Variants in BNIP3L observed in about 807,000 individuals in gnomAD.
BNIP3L encodes the protein BCL2 interacting protein 3 like, also known as BCL2/adenovirus E1B 19 kDa protein-interacting protein 3-like.
Under a neutral mutation model 25.5 loss-of-function variants are expected in BNIP3L, and 10 were observed. That is an observed-to-expected ratio of 0.39 (90% CI 0.24 to 0.67). BNIP3L has a LOEUF of 0.67. Among genes scored for constraint, BNIP3L ranks in the 30% least tolerant of loss-of-function variants. BNIP3L has a pLI of 0.45. For synonymous variants in BNIP3L, 113 were observed against 101.2 expected (o/e 1.12, Z -0.70); for missense variants, 215 against 270.9 (o/e 0.79, Z 1.45).
intron 3 of BNIP3L, 91 bp from the exon 4 acceptor site, chr8:26,407,909 T>C (rs553756630): frequency 3.6e-6 from 4 of 1,106,634 alleles, no homozygotes; most frequent in African/African-American, 1.6e-5. Flanking sequence ...CACAACCTTA[T>C]GAGTTTGGTA....
intron 3 of BNIP3L, among the ~76,000 whole-genome samples, chr8:26,404,555 C>G (rs184904791): frequency 6.6e-6 from 1 of 152,202 alleles, no homozygotes; most frequent in African/African-American, 2.4e-5. Flanking sequence ...GGACCTCACT[C>G]TGTCACCAGG....
chr8:26,395,434 AT>A, intron 3 of BNIP3L, 132 bp downstream of exon 3: 1 of 1,007,532 alleles, frequency 9.9e-7, no homozygotes. Flanking sequence ...TGATTTTGGA[AT>A]TTATTTAGGA....
rs899435431 is a variant in BNIP3L, at chr8:26,411,957, CTT to C, written c.*1548_*1549del. The stretch of plus-strand genomic sequence containing the variant: ...GTTTGCCAGTTTGCAGAAACTAACT[CTT>C]TTCTCACATCAACATTTGTAAAATT... On this transcript the variant is annotated 3_prime_UTR_variant, in exon 6 of 6. Transcript: ENST00000380629. 3.3e-5 allele frequency: 5 copies of C among 152,724 alleles called. No individual in the cohort carries two copies. The highest frequency in any genetic ancestry group is 1.2e-4 in the African/African-American group (5 of 41,562). 9.5% of individuals were successfully genotyped at this position (152,724 alleles called of 1,614,324 possible). A position where few individuals can be genotyped will look rare whatever the true frequency, so the allele number is the denominator to read the frequency against.
At chr8:26,391,033 C>T (rs1585431449) in intron 1 of BNIP3L, among the ~76,000 whole-genome samples, 1 of 152,178 alleles carries the variant, frequency 6.6e-6, no homozygotes, top group South Asian at 2.1e-4. Flanking sequence ...AGAGTTTGAG[C>T]TGTTTCTCAG....
At chr8:26,394,802 C>T (rs905308411) in intron 2 of BNIP3L, among the ~76,000 whole-genome samples, 5 of 152,244 alleles carry the variant, frequency 3.3e-5, no homozygotes, top group South Asian at 2.1e-4. Context: ...CCTCTGAAAG[C>T]GTCTTTGAGA....
chr8:26,409,957 C>G (rs1477322832), intron 5 of BNIP3L, among the ~76,000 whole-genome samples: 1 of 151,482 alleles, frequency 6.6e-6, no homozygotes. Flanking sequence ...TTTCTTTTGT[C>G]CTACATAGAG....
chr8:26,384,255 G>A (rs1168662052), intron 1 of BNIP3L, among the ~76,000 whole-genome samples: 1 of 152,190 alleles, frequency 6.6e-6, no homozygotes, highest in Non-Finnish European at 1.5e-5. Context: ...CCACTTGGAT[G>A]CTTAAAGGTC....
intron 2 of BNIP3L, 127 bp downstream of exon 2, chr8:26,391,553 T>C: frequency 1.1e-5 from 8 of 736,660 alleles, no homozygotes; most frequent in Non-Finnish European, 1.6e-5. Flanking sequence ...TATTGTAGTA[T>C]AATATATATT....
chr8:26,391,437 C>T lies in BNIP3L; in HGVS notation c.284+11C>T, dbSNP rs773014907. 1.3e-6 allele frequency: 2 copies of T among 1,513,934 alleles called. No homozygotes were observed. The highest frequency in any genetic ancestry group is 2.6e-5 in the South Asian group (2 of 76,124). 93.8% of individuals were successfully genotyped at this position (1,513,934 alleles called of 1,614,324 possible). On this transcript the variant is annotated intron_variant, in intron 2 of 5. Coordinates refer to ENST00000380629, the MANE Select transcript of BNIP3L (RefSeq NM_004331.3). ...TTCTCACTGTGACAGGTAAGTGAGACCCATGTTTTGGTGGAATTCAGGAAA... is the reference window on the plus strand; with the variant it reads ...TTCTCACTGTGACAGGTAAGTGAGATCCATGTTTTGGTGGAATTCAGGAAA...
chr8:26,404,887 G>C (rs911200651), intron 3 of BNIP3L, among the ~76,000 whole-genome samples: 1 of 152,180 alleles, frequency 6.6e-6, no homozygotes, highest in Non-Finnish European at 1.5e-5. Context: ...ATTAGATTAA[G>C]TACATTTTTA....
chr8:26,383,371 C>T (rs1001457874), intron 1 of BNIP3L, 141 bp downstream of exon 1: 76 of 1,460,730 alleles, frequency 5.2e-5, no homozygotes, highest in Non-Finnish European at 6.8e-5. Flanking sequence ...CTGACAGCTC[C>T]CGTCCCCTGT....
In BNIP3L at chr8:26,410,554, T is replaced by C; in HGVS notation, c.*142T>C. Reference sequence around the variant, plus strand: ...ATATCCAATTCCAGTAACTCTCAAATTCAATATTTTATTCAAACTCTGTTG... The same window carrying C: ...ATATCCAATTCCAGTAACTCTCAAACTCAATATTTTATTCAAACTCTGTTG... On this transcript the variant is annotated 3_prime_UTR_variant, in exon 6 of 6. Transcript: ENST00000380629. The C allele has an allele frequency of 1.1e-6, 1 of 937,790 alleles. No homozygotes were observed. Among genetic ancestry groups the C allele is most frequent in the Non-Finnish European group, 1.7e-6 (1 of 597,644 alleles). 58.1% of individuals were successfully genotyped at this position (937,790 alleles called of 1,614,324 possible).
intron 3 of BNIP3L, among the ~76,000 whole-genome samples, chr8:26,404,025 T>C (rs1806448076): frequency 6.6e-6 from 1 of 152,222 alleles, no homozygotes; most frequent in South Asian, 2.1e-4. Context: ...ATGAATTCGA[T>C]TGATAACAGG....
In BNIP3L at chr8:26,410,360, T is replaced by TGGA; in HGVS notation, c.612-4_612-3insGGA. 1 of 1,614,090 alleles carries TGGA rather than the reference T, an allele frequency of 6.2e-7. No homozygotes were observed. The highest frequency in any genetic ancestry group is 8.5e-7 in the Non-Finnish European group (1 of 1,179,974). On this transcript the variant is annotated splice_region_variant and splice_polypyrimidine_tract_variant and intron_variant, in intron 5 of 5. Coordinates refer to ENST00000380629, the MANE Select transcript of BNIP3L (RefSeq NM_004331.3). ...TGAAACATGATGCTTCTGCTTCCTT[T>TGGA]CAGCATCTATATTGGAAAGCGACTG...
rs1373522305 is a variant in BNIP3L, at chr8:26,410,737, C to T, written c.*325C>T. 3 of 337,944 alleles carry T rather than the reference C, an allele frequency of 8.9e-6. No homozygotes were observed. Among genetic ancestry groups the T allele is most frequent in the Non-Finnish European group, 1.7e-5 (3 of 175,558 alleles). The allele number at this position is 337,944 out of a possible 1,614,324, so 20.9% of individuals were successfully genotyped here. A position where few individuals can be genotyped will look rare whatever the true frequency, so the allele number is the denominator to read the frequency against. Reference sequence around the variant, plus strand: ...GCAATGCTATTATCTCTAATTAGTGCCACCAGACTAGACCTGTATCATTCA... The same window carrying T: ...GCAATGCTATTATCTCTAATTAGTGTCACCAGACTAGACCTGTATCATTCA... On this transcript the variant is annotated 3_prime_UTR_variant, in exon 6 of 6. Coordinates refer to ENST00000380629, the MANE Select transcript of BNIP3L (RefSeq NM_004331.3).
chr8:26,407,233 A>G (rs1195488640), intron 3 of BNIP3L, among the ~76,000 whole-genome samples: 4 of 148,908 alleles, frequency 2.7e-5, no homozygotes, highest in African/African-American at 5.0e-5. Flanking sequence ...TCCCCCAGGC[A>G]GGAGTGTAGT....
intron 4 of BNIP3L, 41 bp from the exon 5 acceptor site, chr8:26,408,186 A>G: frequency 6.2e-7 from 1 of 1,611,946 alleles, no homozygotes; most frequent in South Asian, 1.1e-5. Context: ...TCCCCACGAT[A>G]TTTTCAGCAA....
At chr8:26,395,423 C>T (rs1806211596) in intron 3 of BNIP3L, 121 bp downstream of exon 3, 2 of 1,093,956 alleles carry the variant, frequency 1.8e-6, no homozygotes, top group Admixed American at 2.6e-5. Context: ...TATTGAGTTT[C>T]TGATTTTGGA....
At chr8:26,394,492 AATAT>A in intron 2 of BNIP3L, among the ~76,000 whole-genome samples, 1 of 152,290 alleles carries the variant, frequency 6.6e-6, no homozygotes, top group East Asian at 1.9e-4. Flanking sequence ...AAACTGAGAA[AATAT>A]ATATTCATTC....
Sources: allele counts gnomAD v4.1 joint callset (sites outside exome capture counted in the v4.1 genomes callset), GRCh38; gene constraint gnomAD v4.1.1; transcripts MANE v1.5; gene names NCBI Gene and HGNC (gene_info 2026-07-23, HGNC 2026-07-21).